The following HSPG2 variants were observed in gnomAD, a reference collection of about 807,000 sequenced individuals.
HSPG2 encodes the protein basement membrane-specific heparan sulfate proteoglycan core protein.
Under a neutral mutation model 526.6 loss-of-function variants are expected in HSPG2, and 278 were observed. The observed-to-expected ratio is 0.53, with a 90% CI of 0.48 to 0.58. HSPG2 has a LOEUF of 0.58. HSPG2 is among the 20% of genes least tolerant of loss of function. HSPG2 has a pLI of 0.00. For synonymous variants in HSPG2, 2,465 were observed against 2,555.4 expected (o/e 0.96, Z 1.07); for missense variants, 5,354 against 6,099.5 (o/e 0.88, Z 4.07).
At position 21,872,258 on chromosome 1, in the gene HSPG2, A is replaced by G. The variant is rs1358484975; in HGVS notation, c.4149T>C (p.Ser1383=). 3 of 1,554,530 alleles carry G rather than the reference A, an allele frequency of 1.9e-6. No individual in the cohort carries two copies. The highest frequency in any genetic ancestry group is 2.6e-6 in the Non-Finnish European group (3 of 1,148,586). Residue 1383 remains serine (S), a synonymous_variant, in exon 33 of 97, where the codon TCT becomes TCC. Coordinates refer to ENST00000374695, the MANE Select transcript of HSPG2 (RefSeq NM_005529.7). The surrounding 1 kb of genome is among the most constrained non-coding windows in gnomAD (Gnocchi z 5.5). ...VEPVPEGAQL[S]FGNFAQLGHE... ...GGCCGAGTTGGGCAAAGTTGCCAAAAGAGAGCTGGGCACCCTCGGGCACGG... is the reference window on the plus strand; with the variant it reads ...GGCCGAGTTGGGCAAAGTTGCCAAAGGAGAGCTGGGCACCCTCGGGCACGG...
Position 21,865,591 on chromosome 1 carries a change from C to T in HSPG2, c.4314+126G>A. On this transcript the variant is annotated intron_variant, in intron 34 of 96. Coordinates refer to ENST00000374695, the MANE Select transcript of HSPG2 (RefSeq NM_005529.7). This position sits in a 1 kb window ranked among gnomAD's most constrained non-coding sequence, Gnocchi z 5.4. ...CCAGGCAGGGATGTGGGGGCATGGGCCTAACTCCCCCAGCCTGTGCCAGAA... is the reference window on the plus strand; with the variant it reads ...CCAGGCAGGGATGTGGGGGCATGGGTCTAACTCCCCCAGCCTGTGCCAGAA... The T allele has an allele frequency of 2.2e-6, 2 of 929,218 alleles. No individual in the cohort carries two copies. Among genetic ancestry groups the T allele is most frequent in the Non-Finnish European group, 3.5e-6 (2 of 565,192 alleles). The allele number at this position is 929,218 out of a possible 1,614,324, so 57.6% of individuals were successfully genotyped here.
chr1:21,900,882 TA>T lies in HSPG2; in HGVS notation c.64-4573del, dbSNP rs551242963. On this transcript the variant is annotated intron_variant, in intron 1 of 96. Coordinates refer to ENST00000374695, the MANE Select transcript of HSPG2 (RefSeq NM_005529.7). ...CCTGGGCGACAGAGCAAGACTCTGT[TA>T]AAAAAAAAAGTTTATAGCAAGCTCA... is the stretch of plus-strand genomic sequence containing the variant. 3.4e-5 allele frequency among the ~76,000 whole-genome samples: 5 copies of T among 149,232 alleles called. No individual in the cohort carries two copies. In the East Asian group the frequency reaches 5.9e-4, roughly 18 times the overall value.
intron 74 of HSPG2, among the ~76,000 whole-genome samples, chr1:21,837,548 C>T (rs929991458): frequency 6.6e-6 from 1 of 152,026 alleles, no homozygotes; most frequent in African/African-American, 2.4e-5. Context: ...CTCGGCCTCC[C>T]AAGGTGCTAG....
chr1:21,901,023 G>C (rs1643072204), intron 1 of HSPG2, among the ~76,000 whole-genome samples: 1 of 152,114 alleles, frequency 6.6e-6, no homozygotes, highest in African/African-American at 2.4e-5. Flanking sequence ...TTTGATCATG[G>C]GGTGTGACCC....
rs1359691348 is a variant in HSPG2 at position 21,829,087 on chromosome 1, G to A, written c.11993-8C>T. ...TCCGCAGAACGGCCAGCCCTGGGGA[G>A]GATGCCAGGCAGGGTTGGGCACATG... On this transcript the variant is annotated splice_polypyrimidine_tract_variant and splice_region_variant and intron_variant, in intron 87 of 96. Coordinates refer to ENST00000374695, the MANE Select transcript of HSPG2 (RefSeq NM_005529.7). 1.6e-5 allele frequency: 24 copies of A among 1,535,022 alleles called. No individual in the cohort carries two copies. Among genetic ancestry groups the A allele is most frequent in the Middle Eastern group, 4.2e-4 (2 of 4,794 alleles).
chr1:21,897,814 T>C (rs1171414189), intron 1 of HSPG2, among the ~76,000 whole-genome samples: 1 of 152,170 alleles, frequency 6.6e-6, no homozygotes, highest in Non-Finnish European at 1.5e-5. Flanking sequence ...TCCCTGGGCA[T>C]ACATATCTCA....
In HSPG2 at chr1:21,848,865, C is replaced by T. The variant is rs775711536; in HGVS notation, c.7585+28G>A. ...GCAGTCGGGGTCCCCCAGCCCTCCA[C>T]CATTTGCATGACCCCCGAGACACTC... On this transcript the variant is annotated intron_variant, in intron 58 of 96. Transcript: ENST00000374695. The surrounding 1 kb of genome is among the most constrained non-coding windows in gnomAD (Gnocchi z 4.9). 6 of 1,611,494 alleles carry T rather than the reference C, an allele frequency of 3.7e-6. 1 individual carries two copies. Among genetic ancestry groups the T allele is most frequent in the South Asian group, 3.3e-5 (3 of 90,912 alleles).
Position 21,828,079 on chromosome 1 carries a change from G to A in HSPG2, c.12483C>T (p.Gly4161=). The change falls in exon 90 of 97, where the codon GGC becomes GGT. Residue 4161 remains glycine, a synonymous_variant. Transcript: ENST00000374695. The surrounding 1 kb of genome is among the most constrained non-coding windows in gnomAD (Gnocchi z 6.0). ...AGCCAGGGAGGCAGAGGCAGCGGGTGCCCTGGCAGGTGCCCCCATGCAGAC... is the reference window on the plus strand; with the variant it reads ...AGCCAGGGAGGCAGAGGCAGCGGGTACCCTGGCAGGTGCCCCCATGCAGAC... The part of the protein sequence containing the change: ...EPCLHGGTCQ[G]TRCLCLPGFS... 1 of 1,613,146 alleles carries A rather than the reference G, an allele frequency of 6.2e-7. No individual in the cohort carries two copies. The highest frequency in any genetic ancestry group is 8.5e-7 in the Non-Finnish European group (1 of 1,179,904).
intron 55 of HSPG2, among the ~76,000 whole-genome samples, 169 bp from the exon 56 acceptor site, chr1:21,850,667 C>T (rs1171521146): frequency 1.3e-5 from 2 of 152,200 alleles, no homozygotes; most frequent in Admixed American, 6.5e-5. Flanking sequence ...GGTGGTAGAC[C>T]AGAGGAGCCC....
chr1:21,897,117 T>C (rs536327273), intron 1 of HSPG2, among the ~76,000 whole-genome samples: 6 of 152,276 alleles, frequency 3.9e-5, no homozygotes, highest in Admixed American at 3.9e-4. Context: ...GTCCGGGCAA[T>C]GAGTGCCTCT....
intron 1 of HSPG2, among the ~76,000 whole-genome samples, chr1:21,916,066 AAGAAG>A (rs1244562460): frequency 2.2e-5 from 3 of 138,252 alleles, no homozygotes; most frequent in African/African-American, 5.5e-5. Context: ...AGAAAAGAAG[AAGAAG>A]AAAAAAAAAA....
rs1173808135 is a variant in HSPG2, at chr1:21,823,012, C to T, written c.*304G>A. 8 of 281,470 alleles carry T rather than the reference C, an allele frequency of 2.8e-5. No homozygotes were observed. The highest frequency in any genetic ancestry group is 9.5e-5 in the Admixed American group (2 of 21,156). 17.4% of individuals were successfully genotyped at this position (281,470 alleles called of 1,614,324 possible). A position where few individuals can be genotyped will look rare whatever the true frequency, so the allele number is the denominator to read the frequency against. ...ACCCAGCTCTATCTGGGGGCTCCATCGGTGGGTAGGGGGACAGTGGGGGCA... is the reference window on the plus strand; with the variant it reads ...ACCCAGCTCTATCTGGGGGCTCCATTGGTGGGTAGGGGGACAGTGGGGGCA... On this transcript the variant is annotated 3_prime_UTR_variant, in exon 97 of 97. Transcript: ENST00000374695.
intron 48 of HSPG2, 35 bp from the exon 49 acceptor site, chr1:21,854,800 G>A (rs781512961): frequency 6.2e-7 from 1 of 1,613,030 alleles, no homozygotes; most frequent in Non-Finnish European, 8.5e-7. Context: ...GGCCCCAGGG[G>A]AGCCCTGGCT....
At chr1:21,927,223 A>T (rs559798286) in intron 1 of HSPG2, among the ~76,000 whole-genome samples, 1 of 144,920 alleles carries the variant, frequency 6.9e-6, no homozygotes, top group South Asian at 2.1e-4. Context: ...AGATGGGGAA[A>T]GAGGCCAAAT....
At position 21,841,525 on chromosome 1, in the gene HSPG2, C is replaced by T; in HGVS notation, c.9328+14G>A. On this transcript the variant is annotated intron_variant, in intron 70 of 96. Transcript: ENST00000374695. ...GAAACAGGGCAGAGCCCCACAGGGT[C>T]AACGTCCCCTCACCGTGCACACTGA... 1 of 1,614,182 alleles carries T rather than the reference C, an allele frequency of 6.2e-7. No homozygotes were observed. The highest frequency in any genetic ancestry group is 8.5e-7 in the Non-Finnish European group (1 of 1,180,008).
rs75819857 is a variant in HSPG2 at position 21,854,455 on chromosome 1, C to T, written c.6289-112G>A. 32,279 of 1,470,166 alleles carry T rather than the reference C, an allele frequency of 0.022. 454 individuals are homozygous for T. The highest frequency in any genetic ancestry group is 0.059 in the African/African-American group (4,232 of 71,662). 91.1% of individuals were successfully genotyped at this position (1,470,166 alleles called of 1,614,324 possible). The stretch of plus-strand genomic sequence containing the variant: ...CTCACTGGCTCTGCTCCGAGCCATC[C>T]CATGCTAGAAACTGGGAGGGAGGGA... On this transcript the variant is annotated intron_variant, in intron 49 of 96. Transcript: ENST00000374695.
chr1:21,922,659 C>A (rs534161468), intron 1 of HSPG2, among the ~76,000 whole-genome samples: 1 of 152,248 alleles, frequency 6.6e-6, no homozygotes, highest in South Asian at 2.1e-4. Flanking sequence ...AAGGAGGAAG[C>A]ACCTGAAGCC....
Position 21,836,806 on chromosome 1 carries a change from G to A in HSPG2, c.10351C>T (p.Leu3451Phe), listed in dbSNP as rs542598107. 194 of 1,560,242 alleles carry A rather than the reference G, an allele frequency of 1.2e-4. No individual in the cohort carries two copies. Among genetic ancestry groups the A allele is most frequent in the Non-Finnish European group, 1.4e-4 (166 of 1,156,726 alleles). The change falls in exon 75 of 97, where the codon CTC becomes TTC. Residue 3451 changes from leucine to phenylalanine, a missense_variant. Coordinates refer to ENST00000374695, the MANE Select transcript of HSPG2 (RefSeq NM_005529.7). ...PPGHSVQDGV[L>F]RIQNLDQSCQ... ...CCTGCCCCCGGCCCCACTCACCGGA[G>A]CACCCCATCCTGCACGCTGTGACCC...
chr1:21,833,427 G>A, intron 79 of HSPG2, 40 bp downstream of exon 79: 6 of 1,613,820 alleles, frequency 3.7e-6, no homozygotes, highest in Non-Finnish European at 5.1e-6. Flanking sequence ...CAGTCAGGGA[G>A]TGGGCAGGGC....
Sources: gnomAD v4.1 joint callset for allele counts (sites outside exome capture counted in the v4.1 genomes callset) on GRCh38, gnomAD v4.1.1 for gene constraint, Gnocchi (gnomAD v3.1) non-coding constraint, MANE v1.5 for transcripts, NCBI Gene and HGNC (gene_info 2026-07-23, HGNC 2026-07-21) for gene names.